MYOM2: variants seen among roughly 807,000 people sequenced by gnomAD.
MYOM2 encodes myomesin-2.
In MYOM2, 254 loss-of-function variants were observed where a neutral mutation model predicts 187.6. The observed-to-expected ratio is 1.35, with a 90% CI of 1.22 to 1.50. The LOEUF (loss-of-function observed/expected upper bound fraction) is 1.50. Ranked by LOEUF, MYOM2 falls within the 40% of genes most tolerant of loss-of-function variation. The pLI, the probability that MYOM2 is intolerant of heterozygous loss-of-function variation, is 0.00. For synonymous variants in MYOM2, 981 were observed against 753.8 expected (o/e 1.30, Z -4.94); for missense variants, 2,796 against 1,924.0 (o/e 1.45, Z -8.48).
chr8:2,078,750 A>T lies in MYOM2; in HGVS notation c.1279A>T (p.Asn427Tyr). 6.2e-7 allele frequency: 1 copy of T among 1,614,162 alleles called. No individual in the cohort carries two copies. The highest frequency in any genetic ancestry group is 1.1e-5 in the South Asian group (1 of 91,080). Reference sequence around the variant, plus strand: ...AACTTGAAGATGTGAAGTAGGAACGAATAATTGGGTGCAGTGCAATGATGC... The same window carrying T: ...AACTTGAAGATGTGAAGTAGGAACGTATAATTGGGTGCAGTGCAATGATGC... ...YFVDRCEVGT[N>Y]NWVQCNDAPV... is the part of the protein sequence containing the mutation. Residue 427 changes from asparagine to tyrosine, a missense_variant, in exon 12 of 37, where the codon AAT becomes TAT. Transcript: ENST00000262113.
chr8:2,055,568 C>T (rs1413208327), intron 3 of MYOM2, among the ~76,000 whole-genome samples: 1 of 152,142 alleles, frequency 6.6e-6, no homozygotes, highest in East Asian at 1.9e-4. Flanking sequence ...GAGATAAATC[C>T]ACATTCCTTT....
chr8:2,112,861 A>G (rs62478426), intron 25 of MYOM2, among the ~76,000 whole-genome samples: 134 of 152,346 alleles, frequency 8.8e-4, no homozygotes, highest in Middle Eastern at 3.4e-3. Context: ...TATTGCTGCT[A>G]AGGCAAGGGC....
rs1435893395 is a variant in MYOM2 at position 2,096,333 on chromosome 8, G to A, written c.2212G>A (p.Gly738Ser). The A allele has an allele frequency of 6.2e-7, 1 of 1,614,184 alleles. No homozygotes were observed. Among genetic ancestry groups the A allele is most frequent in the Non-Finnish European group, 8.5e-7 (1 of 1,180,030 alleles). ...CGGCTGGAAGGTCCCGAAATTCAGTGGTGGCTCGCCCATCCTGGGCTACTA... is the reference window on the plus strand; with the variant it reads ...CGGCTGGAAGGTCCCGAAATTCAGTAGTGGCTCGCCCATCCTGGGCTACTA... ...TLGWKVPKFS[G>S]GSPILGYYLD... Residue 738 changes from glycine to serine, a missense_variant, in exon 18 of 37, where the codon GGT becomes AGT. Physicochemically the swap from Gly to Ser is moderately conservative, Grantham distance 56. Transcript: ENST00000262113.
rs371983892 is a variant in MYOM2, at chr8:2,140,769, G to A, written c.3847G>A (p.Glu1283Lys). Residue 1283 changes from glutamate to lysine, a missense_variant, in exon 33 of 37, where the codon GAA (glutamate) becomes AAA (lysine). Transcript: ENST00000262113. ...SSEHMRIGGS[E>K]EMAWLQICEP... ...TGAGCATATGAGAATCGGGGGGAGT[G>A]AAGAGATGGCTTGGCTGCAGATATG... 1 of 1,614,006 alleles carries A rather than the reference G, an allele frequency of 6.2e-7. No individual in the cohort carries two copies. Among genetic ancestry groups the A allele is most frequent in the African/African-American group, 1.3e-5 (1 of 74,924 alleles).
At chr8:2,119,874 T>G in intron 28 of MYOM2, among the ~76,000 whole-genome samples, 1 of 149,910 alleles carries the variant, frequency 6.7e-6, no homozygotes, top group Non-Finnish European at 1.5e-5. Context: ...TGAAGGACAA[T>G]GAGGGGGCGG....
Position 2,070,603 on chromosome 8 carries a change from G to T in MYOM2, c.793+1106G>T, listed in dbSNP as rs553348977. 1.0e-3 allele frequency among the ~76,000 whole-genome samples: 154 copies of T among 149,644 alleles called. 1 individual carries two copies. The highest frequency in any genetic ancestry group is 3.2e-3 in the African/African-American group (133 of 41,452). On this transcript the variant is annotated intron_variant, in intron 8 of 36. Coordinates refer to ENST00000262113, the MANE Select transcript of MYOM2 (RefSeq NM_003970.4). The stretch of plus-strand genomic sequence containing the variant: ...GCTGGGCAGGTCCTGGCAGTCACCT[G>T]GTCCCATCCCGGGGTTTCTCCTATC...
Position 2,120,689 on chromosome 8 carries a change from A to AT in MYOM2, c.3454-2563_3454-2562insT. On this transcript the variant is annotated intron_variant, in intron 28 of 36. Coordinates refer to ENST00000262113, the MANE Select transcript of MYOM2 (RefSeq NM_003970.4). The stretch of plus-strand genomic sequence containing the variant: ...ATATATATATATTATATTATATATA[A>AT]ATATATAATATATATATTTTAATTG... Among the ~76,000 whole-genome samples the AT allele has an allele frequency of 5.7e-4, 24 of 42,352 alleles. 1 individual carries two copies. Among genetic ancestry groups the AT allele is most frequent in the African/African-American group, 1.1e-3 (15 of 13,320 alleles). 27.8% of individuals were successfully genotyped at this position (42,352 alleles called of 152,430 possible). A position where few individuals can be genotyped will look rare whatever the true frequency, so the allele number is the denominator to read the frequency against.
At chr8:2,066,356 T>C (rs1248858824) in intron 6 of MYOM2, among the ~76,000 whole-genome samples, 1 of 152,212 alleles carries the variant, frequency 6.6e-6, no homozygotes, top group Non-Finnish European at 1.5e-5. Flanking sequence ...ACCGCCTTGC[T>C]CACTTCCATA....
At chr8:2,116,885 A>G (rs1041031969) in intron 27 of MYOM2, among the ~76,000 whole-genome samples, 45 of 151,990 alleles carry the variant, frequency 3.0e-4, no homozygotes, top group South Asian at 6.2e-4. Context: ...AGCCTCCCGA[A>G]TAGCTGGGAC....
At chr8:2,134,766 T>G (rs79200728) in intron 32 of MYOM2, among the ~76,000 whole-genome samples, 24,024 of 152,014 alleles carry the variant, frequency 0.16, 2,722 homozygotes, top group African/African-American at 0.3. Flanking sequence ...TCGCCTGCTT[T>G]TTCCAGTGTG....
chr8:2,061,613 G>C (rs1275258634), intron 6 of MYOM2, among the ~76,000 whole-genome samples: 1 of 152,130 alleles, frequency 6.6e-6, no homozygotes, highest in African/African-American at 2.4e-5. Flanking sequence ...CTCTGTGTGT[G>C]GGACTCCCTC....
At chr8:2,073,795 G>C (rs568161524) in intron 10 of MYOM2, among the ~76,000 whole-genome samples, 2 of 152,332 alleles carry the variant, frequency 1.3e-5, no homozygotes, top group African/African-American at 4.8e-5. Flanking sequence ...TCCCAAGAGT[G>C]AGTGCCCCAG....
chr8:2,065,422 T>G (rs1405367868), intron 6 of MYOM2, among the ~76,000 whole-genome samples: 1 of 152,030 alleles, frequency 6.6e-6, no homozygotes, highest in East Asian at 1.9e-4. Context: ...TACAAAAAAT[T>G]AGCTGGGTGT....
chr8:2,087,467 T>C (rs1490866765), intron 14 of MYOM2, among the ~76,000 whole-genome samples: 1 of 152,218 alleles, frequency 6.6e-6, no homozygotes, highest in African/African-American at 2.4e-5. Flanking sequence ...TCATTAATTC[T>C]GGGTGACAAA....
At position 2,115,984 on chromosome 8, in the gene MYOM2, G is replaced by A; in HGVS notation, c.3205G>A (p.Ala1069Thr). Residue 1069 changes from alanine (A) to threonine (T), a missense_variant, in exon 26 of 37, where the codon GCT becomes ACT. Transcript: ENST00000262113. ...GATACACAGAATTAAATGTGACAAA[G>A]CTACTGGCATTATTGAGATGGTGAT... ...SEIHRIKCDK[A>T]TGIIEMVMDR... 2 of 1,613,890 alleles carry A rather than the reference G, an allele frequency of 1.2e-6. No individual in the cohort carries two copies. The highest frequency in any genetic ancestry group is 1.7e-6 in the Non-Finnish European group (2 of 1,179,974).
intron 36 of MYOM2, 85 bp from the exon 37 acceptor site, chr8:2,144,579 G>C: frequency 1.5e-6 from 2 of 1,340,068 alleles, no homozygotes; most frequent in Non-Finnish European, 1.1e-6. Flanking sequence ...GTAACTGAGT[G>C]TGACCTGGAG....
chr8:2,067,544 G>C (rs1027732989), intron 6 of MYOM2, among the ~76,000 whole-genome samples: 1 of 152,178 alleles, frequency 6.6e-6, no homozygotes, highest in Admixed American at 6.5e-5. Flanking sequence ...GACTTGAGGA[G>C]GGCTTGGTGT....
chr8:2,072,927 G>C (rs1256911998), intron 9 of MYOM2, among the ~76,000 whole-genome samples: 1 of 152,198 alleles, frequency 6.6e-6, no homozygotes, highest in African/African-American at 2.4e-5. Flanking sequence ...TGATGATATG[G>C]AGGGTCTATG....
At chr8:2,068,372 G>A (rs114813518) in intron 6 of MYOM2, among the ~76,000 whole-genome samples, 1,598 of 149,518 alleles carry the variant, frequency 0.011, 20 homozygotes, top group African/African-American at 0.036. Flanking sequence ...GCACCAGGCG[G>A]AGAGCATCCT....
Sources: allele counts gnomAD v4.1 joint callset (sites outside exome capture counted in the v4.1 genomes callset), GRCh38; gene constraint gnomAD v4.1.1; transcripts MANE v1.5; gene names NCBI Gene and HGNC (gene_info 2026-07-23, HGNC 2026-07-21).